The following ZBTB7C variants were observed in gnomAD, a reference collection of about 807,000 sequenced individuals.
The protein encoded by ZBTB7C is zinc finger and BTB domain-containing protein 7C.
Under a neutral mutation model 25.7 loss-of-function variants are expected in ZBTB7C, and 8 were observed. The observed-to-expected ratio is 0.31, with a 90% CI of 0.18 to 0.56. The LOEUF (loss-of-function observed/expected upper bound fraction) is 0.56, where lower values mean the gene tolerates loss of function less well. Among genes scored for constraint, ZBTB7C ranks in the 20% least tolerant of loss-of-function variants. The pLI, the probability that ZBTB7C is intolerant of heterozygous loss-of-function variation, is 0.91. For synonymous variants in ZBTB7C, 394 were observed against 369.0 expected (o/e 1.07, Z -0.78); for missense variants, 824 against 855.2 (o/e 0.96, Z 0.46).
intron 1 of ZBTB7C, among the ~76,000 whole-genome samples, chr18:48,353,855 G>A (rs2046917699): frequency 6.6e-6 from 1 of 152,156 alleles, no homozygotes; most frequent in Non-Finnish European, 1.5e-5. Context: ...CGTGGAAGTG[G>A]TAGCACCAAG....
intron 3 of ZBTB7C, among the ~76,000 whole-genome samples, chr18:48,117,924 A>T (rs1468669153): frequency 1.3e-5 from 2 of 150,998 alleles, no homozygotes; most frequent in East Asian, 1.9e-4. Flanking sequence ...TTGATGAGTT[A>T]AAAAAAAAGG....
At chr18:48,204,224 C>T (rs181028403) in intron 2 of ZBTB7C, among the ~76,000 whole-genome samples, 33 of 152,316 alleles carry the variant, frequency 2.2e-4, no homozygotes, top group South Asian at 6.2e-4. Flanking sequence ...AGACAGCAGA[C>T]GTGCTGGGAG....
At chr18:48,153,160 G>A (rs536413644) in intron 3 of ZBTB7C, among the ~76,000 whole-genome samples, 5 of 152,220 alleles carry the variant, frequency 3.3e-5, no homozygotes, top group Admixed American at 6.5e-5. Flanking sequence ...GGCATAGGGA[G>A]GCACATACAG....
intron 3 of ZBTB7C, among the ~76,000 whole-genome samples, chr18:48,174,376 A>C (rs995466891): frequency 9.2e-5 from 14 of 152,264 alleles, no homozygotes; most frequent in African/African-American, 3.1e-4. Context: ...AATGAAAACT[A>C]AAATTATAAT....
At chr18:48,061,245 A>G (rs1474089490) in intron 3 of ZBTB7C, among the ~76,000 whole-genome samples, 3 of 152,218 alleles carry the variant, frequency 2.0e-5, no homozygotes, top group African/African-American at 7.2e-5. Flanking sequence ...TGAAACAGAC[A>G]AGAGTAGGAT....
At chr18:48,077,802 C>T (rs1568199919) in intron 3 of ZBTB7C, among the ~76,000 whole-genome samples, 1 of 152,166 alleles carries the variant, frequency 6.6e-6, no homozygotes, top group African/African-American at 2.4e-5. Context: ...AGGACTCAGG[C>T]CTGCACAATA....
chr18:48,296,431 C>A (rs2045393799), intron 2 of ZBTB7C, among the ~76,000 whole-genome samples: 1 of 152,250 alleles, frequency 6.6e-6, no homozygotes, highest in South Asian at 2.1e-4. Context: ...CTCTTCTCTC[C>A]TCATCTCCTT....
At chr18:48,311,222 C>T (rs900228245) in intron 2 of ZBTB7C, among the ~76,000 whole-genome samples, 3 of 152,206 alleles carry the variant, frequency 2.0e-5, no homozygotes, top group South Asian at 4.1e-4. Flanking sequence ...TTTCTCACCC[C>T]CTGCCTGCCC....
intron 1 of ZBTB7C, among the ~76,000 whole-genome samples, chr18:48,354,365 A>G (rs2046929826): frequency 6.6e-6 from 1 of 152,154 alleles, no homozygotes; most frequent in Admixed American, 6.5e-5. Context: ...CAATCTCAAC[A>G]TCAACACAAT....
At chr18:48,122,978 G>C (rs183088413) in intron 3 of ZBTB7C, among the ~76,000 whole-genome samples, 363 of 152,306 alleles carry the variant, frequency 2.4e-3, no homozygotes, top group Non-Finnish European at 3.2e-3. Flanking sequence ...TTGCAGGAGG[G>C]GATGCGGATC....
At chr18:48,345,850 G>A (rs992303283) in intron 1 of ZBTB7C, among the ~76,000 whole-genome samples, 1 of 152,150 alleles carries the variant, frequency 6.6e-6, no homozygotes, top group African/African-American at 2.4e-5. Flanking sequence ...TGGGAACTTG[G>A]GCAAATCATT....
intron 3 of ZBTB7C, among the ~76,000 whole-genome samples, chr18:48,161,707 C>A (rs946580678): frequency 1.3e-5 from 2 of 151,380 alleles, no homozygotes; most frequent in Admixed American, 1.3e-4. Flanking sequence ...CCCGGCCCGG[C>A]CCGGGCGCCC....
In ZBTB7C at chr18:48,224,370, G is replaced by A. The variant is rs1371457689; in HGVS notation, c.-78-38375C>T. ...ACCATACAGAGCTAAAAGCATGGGAGAAAACAGCTGCCATGAGCACAAGGA... is the reference window on the plus strand; with the variant it reads ...ACCATACAGAGCTAAAAGCATGGGAAAAAACAGCTGCCATGAGCACAAGGA... On this transcript the variant is annotated intron_variant, in intron 2 of 4. Transcript: ENST00000590800. Among the ~76,000 whole-genome samples the A allele has an allele frequency of 2.0e-5, 3 of 152,190 alleles. No homozygotes were observed. The East Asian group carries it at 5.8e-4, about 29-fold the overall frequency.
At chr18:48,078,972 G>C (rs533832983) in intron 3 of ZBTB7C, among the ~76,000 whole-genome samples, 1 of 152,114 alleles carries the variant, frequency 6.6e-6, no homozygotes, top group African/African-American at 2.4e-5. Context: ...ATAGACATTC[G>C]GTTTAGTTTT....
intron 3 of ZBTB7C, among the ~76,000 whole-genome samples, chr18:48,175,579 C>T (rs1198398734): frequency 6.6e-6 from 1 of 152,066 alleles, no homozygotes; most frequent in African/African-American, 2.4e-5. Flanking sequence ...TGTTTTGTCC[C>T]CTGAAAGGGC....
intron 2 of ZBTB7C, among the ~76,000 whole-genome samples, chr18:48,320,258 G>A (rs1260171584): frequency 1.3e-5 from 2 of 152,234 alleles, no homozygotes; most frequent in East Asian, 3.9e-4. Flanking sequence ...GTTCAGTGTG[G>A]CGGGAGTGGA....
At chr18:48,354,455 C>T (rs565508665) in intron 1 of ZBTB7C, among the ~76,000 whole-genome samples, 2 of 152,256 alleles carry the variant, frequency 1.3e-5, no homozygotes, top group African/African-American at 4.8e-5. Context: ...CCAATATGGA[C>T]AAACTTGACT....
chr18:48,331,500 C>G lies in ZBTB7C; in HGVS notation c.-79+6674G>C, dbSNP rs541040833. Among the ~76,000 whole-genome samples, 18 of 152,276 alleles carry G rather than the reference C, an allele frequency of 1.2e-4. No homozygotes were observed. The East Asian group carries it at 3.5e-3, about 29-fold the overall frequency. On this transcript the variant is annotated intron_variant, in intron 2 of 4. Transcript: ENST00000590800. ...TTTATTCTGATTTTCCTTGGAGGGA[C>G]TCAAAGTTTCTATTTCCTTTGAAGC...
chr18:48,040,913 G>A lies in ZBTB7C; in HGVS notation c.195C>T (p.Ala65=), dbSNP rs529891239. ...CSKYFKKLFT[A]GTLASQPYVY... is the part of the protein sequence containing the mutation. Reference sequence around the variant, plus strand: ...CGTAGGGCTGGCTGGCTAGGGTGCCGGCTGTGAAAAGCTTCTTGAAGTACT... The same window carrying A: ...CGTAGGGCTGGCTGGCTAGGGTGCCAGCTGTGAAAAGCTTCTTGAAGTACT... The change falls in exon 4 of 5, where the codon GCC becomes GCT. Residue 65 remains alanine, a synonymous_variant. Transcript: ENST00000590800. 152 of 1,614,150 alleles carry A rather than the reference G, an allele frequency of 9.4e-5. No individual in the cohort carries two copies. The highest frequency in any genetic ancestry group is 6.8e-4 in the African/African-American group (51 of 75,032).
Sources: allele counts gnomAD v4.1 joint callset (sites outside exome capture counted in the v4.1 genomes callset), GRCh38; gene constraint gnomAD v4.1.1; transcripts MANE v1.5; gene names NCBI Gene and HGNC (gene_info 2026-07-23, HGNC 2026-07-21).